Variants in PTPRM observed in about 807,000 individuals in gnomAD.
The protein encoded by PTPRM is protein tyrosine phosphatase receptor type M.
Under a neutral mutation model 186.7 loss-of-function variants are expected in PTPRM, and 47 were observed. The ratio of observed to expected loss-of-function variants is 0.25; its 90% confidence interval spans 0.20 to 0.32. The LOEUF (loss-of-function observed/expected upper bound fraction) is 0.32. PTPRM is among the 10% of genes least tolerant of loss of function. PTPRM has a pLI of 1.00. For synonymous variants in PTPRM, 668 were observed against 674.9 expected (o/e 0.99, Z 0.16); for missense variants, 1,494 against 1,865.0 (o/e 0.80, Z 3.66).
At chr18:7,708,686 T>C (rs1387276113) in intron 1 of PTPRM, among the ~76,000 whole-genome samples, 1 of 152,202 alleles carries the variant, frequency 6.6e-6, no homozygotes, top group African/African-American at 2.4e-5. Context: ...TATCAAATAC[T>C]TTAAAGCTTA....
At chr18:7,830,370 A>G (rs920060399) in intron 2 of PTPRM, among the ~76,000 whole-genome samples, 2 of 152,232 alleles carry the variant, frequency 1.3e-5, no homozygotes, top group African/African-American at 2.4e-5. Context: ...ACACATTTAC[A>G]GACATGCACC....
intron 14 of PTPRM, among the ~76,000 whole-genome samples, chr18:8,198,245 C>G (rs934227253): frequency 2.0e-5 from 3 of 152,142 alleles, no homozygotes; most frequent in Admixed American, 2.0e-4. Context: ...TTCCCAGGCC[C>G]AGGTGATCCT....
At chr18:8,366,974 T>C (rs1174174816) in intron 23 of PTPRM, 1 of 152,266 alleles carries the variant, frequency 6.6e-6, no homozygotes, top group Non-Finnish European at 1.5e-5. Context: ...CGTTCCTTGG[T>C]TCCTGGGCTC....
At chr18:8,109,346 A>C (rs1010639169) in intron 11 of PTPRM, among the ~76,000 whole-genome samples, 1 of 152,218 alleles carries the variant, frequency 6.6e-6, no homozygotes, top group African/African-American at 2.4e-5. Flanking sequence ...TTAAAGAGCA[A>C]ATAGATTTGA....
At chr18:8,368,220 A>G (rs2095643784) in intron 23 of PTPRM, among the ~76,000 whole-genome samples, 1 of 151,364 alleles carries the variant, frequency 6.6e-6, no homozygotes, top group African/African-American at 2.4e-5. Flanking sequence ...ATCTTTGCTA[A>G]CTGGCATCGT....
chr18:7,646,341 C>A (rs544864559), intron 1 of PTPRM, among the ~76,000 whole-genome samples: 1 of 152,304 alleles, frequency 6.6e-6, no homozygotes, highest in African/African-American at 2.4e-5. Context: ...GCAGGGGCAT[C>A]CTCATTGCCT....
At chr18:7,912,801 G>A (rs996723550) in intron 4 of PTPRM, among the ~76,000 whole-genome samples, 3 of 152,090 alleles carry the variant, frequency 2.0e-5, no homozygotes, top group African/African-American at 7.2e-5. Flanking sequence ...TTACAGGCAT[G>A]AGCCACTGCG....
chr18:8,175,320 G>A (rs1024167583), intron 14 of PTPRM, among the ~76,000 whole-genome samples: 1 of 152,188 alleles, frequency 6.6e-6, no homozygotes, highest in African/African-American at 2.4e-5. Context: ...AGGAAGTGAT[G>A]TTTGTGCTTA....
At chr18:8,146,539 G>A (rs1243142266) in intron 14 of PTPRM, among the ~76,000 whole-genome samples, 2 of 150,886 alleles carry the variant, frequency 1.3e-5, no homozygotes, top group African/African-American at 2.4e-5. Context: ...GTTCTTTGTA[G>A]GTTCTGGATA....
chr18:7,914,983 CT>C (rs577437496), intron 4 of PTPRM, among the ~76,000 whole-genome samples: 38 of 152,288 alleles, frequency 2.5e-4, no homozygotes, highest in African/African-American at 8.2e-4. Flanking sequence ...TCTTGTTCCA[CT>C]TCAGTTTGCA....
chr18:7,878,820 C>G (rs1264508519), intron 2 of PTPRM, among the ~76,000 whole-genome samples: 2 of 152,040 alleles, frequency 1.3e-5, no homozygotes, highest in African/African-American at 4.8e-5. Context: ...ATTGTGATGG[C>G]TTATGTCATT....
At chr18:7,880,096 A>G (rs556098389) in intron 2 of PTPRM, among the ~76,000 whole-genome samples, 1 of 152,250 alleles carries the variant, frequency 6.6e-6, no homozygotes, top group East Asian at 1.9e-4. Flanking sequence ...TCATGAGGAC[A>G]ACATGAGGGT....
intron 25 of PTPRM, 27 bp from the exon 26 acceptor site, chr18:8,376,435 C>T (rs2095695576): frequency 6.2e-7 from 1 of 1,613,972 alleles, no homozygotes; most frequent in South Asian, 1.1e-5. Flanking sequence ...CTTCTTCCTC[C>T]ACTGACAGAC....
intron 3 of PTPRM, among the ~76,000 whole-genome samples, chr18:7,901,075 C>T (rs1009093867): frequency 2.6e-5 from 4 of 152,220 alleles, no homozygotes; most frequent in South Asian, 2.1e-4. Flanking sequence ...TTTTTCGACC[C>T]GGATGCTGGC....
At chr18:7,630,859 T>C (rs992379264) in intron 1 of PTPRM, among the ~76,000 whole-genome samples, 7 of 152,142 alleles carry the variant, frequency 4.6e-5, no homozygotes, top group African/African-American at 1.7e-4. Context: ...CATTTTGCCT[T>C]GTTATCTATG....
intron 1 of PTPRM, among the ~76,000 whole-genome samples, chr18:7,736,811 CCAGGCCTGGTTTCG>C (rs2040780148): frequency 6.6e-6 from 1 of 152,130 alleles, no homozygotes; most frequent in Non-Finnish European, 1.5e-5. Flanking sequence ...CCAGGCAGGG[CCAGGCCTGGTTTCG>C]GGCCTGGCGC....
At position 7,568,641 on chromosome 18, in the gene PTPRM, T is replaced by A. The variant is rs895095256; in HGVS notation, c.73+750T>A. 6.6e-6 allele frequency among the ~76,000 whole-genome samples: 1 copy of A among 152,172 alleles called. No homozygotes were observed. The highest frequency in any genetic ancestry group is 2.4e-5 in the African/African-American group (1 of 41,452). ...GAGCGCCGCGGCCAGCTGCAACTTG[T>A]TCATCCAGCCCGGCTGCCCGGGGGT... On this transcript the variant is annotated intron_variant, in intron 1 of 32. Coordinates refer to ENST00000580170, the MANE Select transcript of PTPRM (RefSeq NM_001105244.2). This position sits in a 1 kb window ranked among gnomAD's most constrained non-coding sequence, Gnocchi z 5.1.
chr18:8,284,142 G>A (rs553526504), intron 19 of PTPRM, among the ~76,000 whole-genome samples: 8 of 152,080 alleles, frequency 5.3e-5, no homozygotes, highest in Admixed American at 4.6e-4. Flanking sequence ...ATTAGCTCTC[G>A]GCTGTTTGCA....
At chr18:7,619,758 G>T (rs1429159391) in intron 1 of PTPRM, among the ~76,000 whole-genome samples, 1 of 152,086 alleles carries the variant, frequency 6.6e-6, no homozygotes, top group African/African-American at 2.4e-5. Flanking sequence ...ACAAATATTC[G>T]GACTCTCCTC....
Sources: gnomAD v4.1 joint callset for allele counts (sites outside exome capture counted in the v4.1 genomes callset) on GRCh38, gnomAD v4.1.1 for gene constraint, Gnocchi (gnomAD v3.1) non-coding constraint, MANE v1.5 for transcripts, NCBI Gene and HGNC (gene_info 2026-07-23, HGNC 2026-07-21) for gene names.